RIMS2: variants seen among roughly 807,000 people sequenced by gnomAD.
RIMS2 encodes the protein regulating synaptic membrane exocytosis 2, also known as regulating synaptic membrane exocytosis protein 2.
Under a neutral mutation model 174.4 loss-of-function variants are expected in RIMS2, and 59 were observed. The ratio of observed to expected loss-of-function variants is 0.34; its 90% confidence interval spans 0.27 to 0.42. The LOEUF (loss-of-function observed/expected upper bound fraction) is 0.42. Ranked by LOEUF, RIMS2 falls within the 10% of genes least tolerant of loss-of-function variation. RIMS2 has a pLI of 1.00. For missense variants in RIMS2, 1,620 were observed against 1,666.3 expected, an observed-to-expected ratio of 0.97 and a Z score of 0.48; for synonymous variants, 606 against 572.5, an observed-to-expected ratio of 1.06 and a Z score of -0.84.
chr8:104,141,297 T>A (rs1473116377), intron 19 of RIMS2, among the ~76,000 whole-genome samples: 2 of 152,274 alleles, frequency 1.3e-5, no homozygotes, highest in Non-Finnish European at 1.5e-5. Context: ...ATTCAATAAT[T>A]TGGTAGAGAA....
chr8:103,751,188 C>A (rs1023092841), intron 2 of RIMS2, among the ~76,000 whole-genome samples: 1 of 152,100 alleles, frequency 6.6e-6, no homozygotes, highest in Non-Finnish European at 1.5e-5. Flanking sequence ...TGAGTGAGAA[C>A]ATGCGGTGTT....
chr8:103,844,416 T>C (rs868143462), intron 3 of RIMS2, among the ~76,000 whole-genome samples: 1 of 152,212 alleles, frequency 6.6e-6, no homozygotes, highest in Admixed American at 6.5e-5. Context: ...TTTTAAGAGA[T>C]TTACTTCAGC....
At chr8:103,711,899 T>TAC (rs2097308494) in intron 2 of RIMS2, among the ~76,000 whole-genome samples, 1 of 150,652 alleles carries the variant, frequency 6.6e-6, no homozygotes. Context: ...CCATCTGAAA[T>TAC]ATATATATAT....
At chr8:104,036,340 A>C (rs1259905877) in intron 19 of RIMS2, among the ~76,000 whole-genome samples, 1 of 151,146 alleles carries the variant, frequency 6.6e-6, no homozygotes, top group Non-Finnish European at 1.5e-5. Flanking sequence ...TTTAGTAGAG[A>C]CAGGGTTTCA....
intron 1 of RIMS2, among the ~76,000 whole-genome samples, chr8:103,515,179 G>A (rs1828411900): frequency 6.6e-6 from 1 of 152,034 alleles, no homozygotes; most frequent in African/African-American, 2.4e-5. Flanking sequence ...AATAATGTTG[G>A]TATTCCACAA....
intron 2 of RIMS2, among the ~76,000 whole-genome samples, chr8:103,714,184 G>A (rs1338745046): frequency 2.0e-5 from 3 of 152,106 alleles, no homozygotes; most frequent in Non-Finnish European, 4.4e-5. Flanking sequence ...GGCACATAAT[G>A]GGTCAGTGAA....
At chr8:104,051,245 A>AGTGT (rs551760735) in intron 19 of RIMS2, among the ~76,000 whole-genome samples, 1 of 151,838 alleles carries the variant, frequency 6.6e-6, no homozygotes, top group African/African-American at 2.4e-5. Flanking sequence ...TCTCAAAACA[A>AGTGT]GTGTGTGTGT....
At chr8:104,137,657 T>C (rs1357974560) in intron 19 of RIMS2, among the ~76,000 whole-genome samples, 1 of 152,190 alleles carries the variant, frequency 6.6e-6, no homozygotes, top group African/African-American at 2.4e-5. Flanking sequence ...ATTCTTGACA[T>C]CCTCACTGAA....
intron 14 of RIMS2, among the ~76,000 whole-genome samples, chr8:103,944,617 T>C (rs2083293288): frequency 1.3e-5 from 2 of 152,090 alleles, no homozygotes; most frequent in African/African-American, 4.8e-5. Flanking sequence ...ATTAGAGTAC[T>C]GGTTAGCTGT....
intron 4 of RIMS2, among the ~76,000 whole-genome samples, chr8:103,903,050 C>G (rs956799159): frequency 1.3e-5 from 2 of 151,892 alleles, no homozygotes; most frequent in African/African-American, 4.8e-5. Context: ...TTAAATGTTC[C>G]CTACCTAATT....
chr8:103,699,773 G>A (rs2097147944), intron 2 of RIMS2, among the ~76,000 whole-genome samples: 1 of 152,028 alleles, frequency 6.6e-6, no homozygotes, highest in Non-Finnish European at 1.5e-5. Context: ...CAATTCTCAT[G>A]TGTTGTTTCT....
chr8:103,739,253 A>G (rs985603016), intron 2 of RIMS2, among the ~76,000 whole-genome samples: 3 of 152,184 alleles, frequency 2.0e-5, no homozygotes, highest in African/African-American at 7.2e-5. Context: ...GCTGGAAACC[A>G]TCATTCTCAG....
At chr8:104,064,053 T>C (rs2097057758) in intron 19 of RIMS2, among the ~76,000 whole-genome samples, 1 of 152,194 alleles carries the variant, frequency 6.6e-6, no homozygotes, top group Non-Finnish European at 1.5e-5. Flanking sequence ...TGTGACCATA[T>C]TCAACTATAT....
chr8:103,652,340 G>A, intron 1 of RIMS2, 103 bp downstream of exon 2: 7 of 625,548 alleles, frequency 1.1e-5, no homozygotes, highest in Non-Finnish European at 1.9e-5. Flanking sequence ...GCTGCAGCTA[G>A]TGTGTCTTCT....
At chr8:103,911,975 C>A in intron 5 of RIMS2, 78 bp from the exon 9 acceptor site, 2 of 1,127,038 alleles carry the variant, frequency 1.8e-6, no homozygotes, top group East Asian at 2.7e-5. Flanking sequence ...AATCAGAGAT[C>A]ATTTGTCATA....
At chr8:104,071,150 A>G (rs562629376) in intron 19 of RIMS2, among the ~76,000 whole-genome samples, 1 of 152,360 alleles carries the variant, frequency 6.6e-6, no homozygotes, top group African/African-American at 2.4e-5. Context: ...AAGGAATACT[A>G]TAGGCATAGC....
intron 1 of RIMS2, among the ~76,000 whole-genome samples, chr8:103,506,709 G>A (rs1823821379): frequency 6.6e-6 from 1 of 152,154 alleles, no homozygotes; most frequent in South Asian, 2.1e-4. Flanking sequence ...TAAAAATTGA[G>A]AGATTCTTTT....
chr8:103,977,849 G>A (rs1039059614), intron 16 of RIMS2, among the ~76,000 whole-genome samples: 3 of 152,210 alleles, frequency 2.0e-5, no homozygotes, highest in Admixed American at 6.5e-5. Flanking sequence ...TTTTAAAAAT[G>A]CAGATGAAGA....
At chr8:103,603,095 C>A (rs1269049075) in intron 1 of RIMS2, among the ~76,000 whole-genome samples, 2 of 151,146 alleles carry the variant, frequency 1.3e-5, no homozygotes, top group African/African-American at 4.9e-5. Context: ...GCACTGCACC[C>A]ACTAACTCGT....
Sources: allele counts gnomAD v4.1 joint callset (sites outside exome capture counted in the v4.1 genomes callset), GRCh38; gene constraint gnomAD v4.1.1; transcripts MANE v1.5; gene names NCBI Gene and HGNC (gene_info 2026-07-23, HGNC 2026-07-21).